The following ADGRL3 variants were observed in gnomAD, a reference collection of about 807,000 sequenced individuals.
ADGRL3 encodes adhesion G protein-coupled receptor L3, also known as calcium-independent alpha-latrotoxin receptor 3.
ADGRL3 carries 62 observed loss-of-function variants against 153.5 expected under a neutral mutation model. That is an observed-to-expected ratio of 0.40 (90% CI 0.33 to 0.50). The LOEUF (loss-of-function observed/expected upper bound fraction) is 0.50. ADGRL3 is among the 20% of genes least tolerant of loss of function. ADGRL3 has a pLI of 0.47. For synonymous variants in ADGRL3, 710 were observed against 672.5 expected (o/e 1.06, Z -0.86); for missense variants, 1,641 against 1,859.4 (o/e 0.88, Z 2.16).
chr4:61,707,611 G>A (rs2095877809), intron 6 of ADGRL3, among the ~76,000 whole-genome samples: 1 of 151,910 alleles, frequency 6.6e-6, no homozygotes, highest in African/African-American at 2.4e-5. Context: ...GCTCAAACGT[G>A]AACATTTTCA....
chr4:61,562,335 C>T (rs1422753231), intron 4 of ADGRL3, among the ~76,000 whole-genome samples: 1 of 152,090 alleles, frequency 6.6e-6, no homozygotes, highest in Non-Finnish European at 1.5e-5. Context: ...GTGGCAATTT[C>T]TTAAAATAAG....
chr4:61,649,295 T>G (rs2094159922), intron 5 of ADGRL3, among the ~76,000 whole-genome samples: 1 of 152,118 alleles, frequency 6.6e-6, no homozygotes, highest in Non-Finnish European at 1.5e-5. Context: ...CCTCTAGGAT[T>G]TGGTATTATA....
intron 1 of ADGRL3, among the ~76,000 whole-genome samples, chr4:61,262,092 A>G (rs2092564320): frequency 2.0e-5 from 3 of 152,150 alleles, no homozygotes; most frequent in Admixed American, 6.5e-5. Flanking sequence ...CTCATCATGG[A>G]ATCAAGACTT....
chr4:61,451,713 G>C (rs890062253), intron 2 of ADGRL3, among the ~76,000 whole-genome samples: 3 of 152,098 alleles, frequency 2.0e-5, no homozygotes, highest in African/African-American at 7.2e-5. Context: ...TAATCCTCCA[G>C]ACCTGCCTCT....
intron 5 of ADGRL3, among the ~76,000 whole-genome samples, chr4:61,622,746 T>C (rs1268092958): frequency 2.0e-5 from 3 of 152,110 alleles, no homozygotes; most frequent in Non-Finnish European, 4.4e-5. Context: ...AAAATTGATC[T>C]CAGAGGATTT....
At chr4:61,845,686 T>C (rs1054185284) in intron 9 of ADGRL3, among the ~76,000 whole-genome samples, 2 of 151,880 alleles carry the variant, frequency 1.3e-5, no homozygotes, top group African/African-American at 2.4e-5. Context: ...TTATTAACAA[T>C]TATATAGTTC....
chr4:61,519,820 C>T (rs1279739835), intron 4 of ADGRL3, among the ~76,000 whole-genome samples: 2 of 151,890 alleles, frequency 1.3e-5, no homozygotes, highest in Non-Finnish European at 2.9e-5. Flanking sequence ...CAAGTCTGTT[C>T]TAGAAACAAG....
rs561368902 is a variant in ADGRL3, at chr4:61,421,162, G to A, written c.-174+37973G>A. On this transcript the variant is annotated intron_variant, in intron 2 of 26. Coordinates refer to ENST00000683033, the MANE Select transcript of ADGRL3 (RefSeq NM_001387552.1). Reference sequence around the variant, plus strand: ...ATCCTGGCTAACACGGTGAAACCCCGTCTCTACTAAAAATACAAAAAATTA... The same window carrying A: ...ATCCTGGCTAACACGGTGAAACCCCATCTCTACTAAAAATACAAAAAATTA... Among the ~76,000 whole-genome samples, 23 of 152,102 alleles carry A rather than the reference G, an allele frequency of 1.5e-4. No homozygotes were observed. The South Asian group carries it at 4.4e-3, about 29-fold the overall frequency.
Position 61,319,588 on chromosome 4 carries a change from G to A in ADGRL3, c.-239-63536G>A, listed in dbSNP as rs943641265. On this transcript the variant is annotated intron_variant, in intron 1 of 26. Coordinates refer to ENST00000683033, the MANE Select transcript of ADGRL3 (RefSeq NM_001387552.1). The stretch of plus-strand genomic sequence containing the variant: ...TATTTAAAATCAATGGCCTTAGATC[G>A]AAGGCCCAACTTACTGTTTGCCAGA... Among the ~76,000 whole-genome samples the A allele has an allele frequency of 3.9e-5, 6 of 152,026 alleles. No individual in the cohort carries two copies. The East Asian group carries it at 5.8e-4, about 15-fold the overall frequency.
At chr4:61,996,646 A>G (rs745877302) in intron 20 of ADGRL3, among the ~76,000 whole-genome samples, 3 of 152,220 alleles carry the variant, frequency 2.0e-5, no homozygotes, top group Non-Finnish European at 4.4e-5. Flanking sequence ...AGATATTTGA[A>G]CAAGGATGAC....
chr4:62,065,950 G>A (rs1017905941), intron 25 of ADGRL3, among the ~76,000 whole-genome samples: 2 of 151,802 alleles, frequency 1.3e-5, no homozygotes, highest in African/African-American at 2.4e-5. Flanking sequence ...AATACACAAA[G>A]GATTCTTCTG....
chr4:61,358,634 T>A (rs1487528289), intron 1 of ADGRL3, among the ~76,000 whole-genome samples: 3 of 151,174 alleles, frequency 2.0e-5, no homozygotes, highest in African/African-American at 7.3e-5. Context: ...AGACCATTGA[T>A]GTCTTCTTGA....
chr4:61,954,018 T>C (rs1304311217), intron 17 of ADGRL3, among the ~76,000 whole-genome samples: 1 of 152,144 alleles, frequency 6.6e-6, no homozygotes, highest in African/African-American at 2.4e-5. Context: ...CCCTCGGAGA[T>C]GTCATGCAGT....
intron 13 of ADGRL3, among the ~76,000 whole-genome samples, chr4:61,918,148 T>TA (rs1374995855): frequency 6.6e-6 from 1 of 152,088 alleles, no homozygotes; most frequent in African/African-American, 2.4e-5. Flanking sequence ...CAGAGGTTTT[T>TA]AAAAAAATGA....
At chr4:61,606,090 A>G (rs747326500) in intron 5 of ADGRL3, among the ~76,000 whole-genome samples, 11 of 152,120 alleles carry the variant, frequency 7.2e-5, no homozygotes, top group African/African-American at 1.4e-4. Context: ...AATGTCATAG[A>G]GAGGTTGGAA....
At chr4:61,848,697 CAAT>C (rs2098166745) in intron 9 of ADGRL3, among the ~76,000 whole-genome samples, 1 of 152,000 alleles carries the variant, frequency 6.6e-6, no homozygotes, top group Non-Finnish European at 1.5e-5. Flanking sequence ...GGTAATAAGA[CAAT>C]AATATTTCTT....
chr4:61,759,947 G>C (rs532870240), intron 8 of ADGRL3, among the ~76,000 whole-genome samples: 2 of 152,296 alleles, frequency 1.3e-5, no homozygotes, highest in South Asian at 4.1e-4. Context: ...TCCAGACCCT[G>C]TTTGCCTGGG....
intron 1 of ADGRL3, among the ~76,000 whole-genome samples, chr4:61,325,947 T>C (rs1049896725): frequency 6.6e-6 from 1 of 152,168 alleles, no homozygotes; most frequent in Non-Finnish European, 1.5e-5. Context: ...CCAGATAGCG[T>C]ATTAAGAAAT....
At chr4:61,367,189 G>A (rs1010535937) in intron 1 of ADGRL3, among the ~76,000 whole-genome samples, 1 of 151,704 alleles carries the variant, frequency 6.6e-6, no homozygotes, top group Non-Finnish European at 1.5e-5. Flanking sequence ...AATTTGGGAT[G>A]TACAAAAATG....
Sources: gnomAD v4.1 joint callset for allele counts (sites outside exome capture counted in the v4.1 genomes callset) on GRCh38, gnomAD v4.1.1 for gene constraint, MANE v1.5 for transcripts, NCBI Gene and HGNC (gene_info 2026-07-23, HGNC 2026-07-21) for gene names.